Variants in FSTL5 observed in about 807,000 individuals in gnomAD.
FSTL5 encodes the protein follistatin like 5, also known as follistatin-related protein 5.
In FSTL5, 62 loss-of-function variants were observed where a neutral mutation model predicts 89.1. That is an observed-to-expected ratio of 0.70 (90% CI 0.57 to 0.86). The LOEUF is 0.86. Ranked by LOEUF, FSTL5 falls within the 40% of genes least tolerant of loss-of-function variation. The pLI is 0.00. For synonymous variants in FSTL5, 383 were observed against 346.2 expected (o/e 1.11, Z -1.18); for missense variants, 1,057 against 1,001.6 (o/e 1.06, Z -0.75).
chr4:161,916,743 AT>A (rs1487364053), intron 4 of FSTL5, among the ~76,000 whole-genome samples: 4 of 152,134 alleles, frequency 2.6e-5, no homozygotes, highest in African/African-American at 7.2e-5. Context: ...ATTTACGTGT[AT>A]ATTTAAAAGT....
At chr4:161,585,316 A>T (rs1733570965) in intron 8 of FSTL5, among the ~76,000 whole-genome samples, 1 of 152,192 alleles carries the variant, frequency 6.6e-6, no homozygotes, top group Non-Finnish European at 1.5e-5. Context: ...TAGTTGTCAC[A>T]CTTTACCACG....
In FSTL5 at chr4:161,890,686, T is replaced by TAA. The variant is rs5863497; in HGVS notation, c.409+29716_409+29717dup. On this transcript the variant is annotated intron_variant, in intron 4 of 15. Transcript: ENST00000306100. Reference sequence around the variant, plus strand: ...CTGGGCAGCAGAGCAAGACTCTGTCTAAAAAAAAAAAAAAAAAAAACAGGG... The same window carrying TAA: ...CTGGGCAGCAGAGCAAGACTCTGTCTAAAAAAAAAAAAAAAAAAAAAACAGGG... Among the ~76,000 whole-genome samples, 708 of 115,004 alleles carry TAA rather than the reference T, an allele frequency of 6.2e-3. 2 individuals are homozygous for TAA. The highest frequency in any genetic ancestry group is 9.9e-3 in the South Asian group (33 of 3,344). The allele number at this position is 115,004 out of a possible 152,430, so 75.4% of individuals were successfully genotyped here.
At chr4:161,680,576 T>C (rs1273485682) in intron 6 of FSTL5, among the ~76,000 whole-genome samples, 1 of 151,980 alleles carries the variant, frequency 6.6e-6, no homozygotes, top group Non-Finnish European at 1.5e-5. Flanking sequence ...AAGAATGTGG[T>C]ATACACATTC....
rs187766236 is a variant in FSTL5, at chr4:161,453,859, G to C, written c.1841+1145C>G. Among the ~76,000 whole-genome samples, 317 of 152,228 alleles carry C rather than the reference G, an allele frequency of 2.1e-3. 5 individuals carry two copies. Among genetic ancestry groups the C allele is most frequent in the Admixed American group, 0.019 (289 of 15,288 alleles). ...CACCTCTGCCTTAGCCTCCCACAAT[G>C]CTGGGATTACATGGGAGAGCTACCA... On this transcript the variant is annotated intron_variant, in intron 15 of 15. Coordinates refer to ENST00000306100, the MANE Select transcript of FSTL5 (RefSeq NM_020116.5).
At chr4:162,119,005 C>G (rs925828707) in intron 1 of FSTL5, among the ~76,000 whole-genome samples, 1 of 151,934 alleles carries the variant, frequency 6.6e-6, no homozygotes, top group African/African-American at 2.4e-5. Flanking sequence ...CTCCTGAGGC[C>G]AGAAATTCAA....
At chr4:161,572,423 G>A (rs985103568) in intron 8 of FSTL5, among the ~76,000 whole-genome samples, 4 of 151,202 alleles carry the variant, frequency 2.6e-5, no homozygotes, top group South Asian at 2.1e-4. Flanking sequence ...GCTGTTGGCT[G>A]CCACAAGGCC....
At chr4:162,056,578 A>C (rs1333353280) in intron 2 of FSTL5, among the ~76,000 whole-genome samples, 1 of 152,178 alleles carries the variant, frequency 6.6e-6, no homozygotes, top group Non-Finnish European at 1.5e-5. Flanking sequence ...TATTGGAATC[A>C]ATATGCATAA....
chr4:161,786,791 C>G (rs1000745831), intron 4 of FSTL5, among the ~76,000 whole-genome samples: 9 of 152,086 alleles, frequency 5.9e-5, no homozygotes, highest in African/African-American at 2.2e-4. Flanking sequence ...TCAAACACCT[C>G]CTATACAAAT....
At chr4:162,052,110 G>A (rs1400240612) in intron 2 of FSTL5, among the ~76,000 whole-genome samples, 1 of 151,258 alleles carries the variant, frequency 6.6e-6, no homozygotes, top group African/African-American at 2.4e-5. Flanking sequence ...GAATATAACT[G>A]GAAATACAAC....
chr4:161,766,913 T>C (rs564295743), intron 5 of FSTL5, among the ~76,000 whole-genome samples: 1 of 13,978 alleles, frequency 7.2e-5, no homozygotes, highest in South Asian at 2.0e-3. Context: ...GATCGATTGA[T>C]AGATAGATAG....
At chr4:162,099,253 A>G (rs922694631) in intron 2 of FSTL5, among the ~76,000 whole-genome samples, 1 of 152,136 alleles carries the variant, frequency 6.6e-6, no homozygotes, top group Non-Finnish European at 1.5e-5. Flanking sequence ...GATTTAAGAA[A>G]AGGAAAATAA....
At chr4:162,072,455 A>G (rs953980307) in intron 2 of FSTL5, among the ~76,000 whole-genome samples, 1 of 151,880 alleles carries the variant, frequency 6.6e-6, no homozygotes, top group African/African-American at 2.4e-5. Flanking sequence ...AAGGGAAAAC[A>G]TATCAACAAA....
At chr4:161,870,035 A>G (rs755840139) in intron 4 of FSTL5, among the ~76,000 whole-genome samples, 2 of 152,228 alleles carry the variant, frequency 1.3e-5, no homozygotes, top group African/African-American at 2.4e-5. Context: ...AGTCATCTTA[A>G]GACTGCAAGG....
chr4:162,016,860 T>C (rs1165140197), intron 3 of FSTL5, among the ~76,000 whole-genome samples: 3 of 152,132 alleles, frequency 2.0e-5, no homozygotes, highest in African/African-American at 7.2e-5. Context: ...GTTAAAGCTA[T>C]TTTTTTCTGA....
chr4:161,657,896 G>A (rs1354398884), intron 6 of FSTL5, among the ~76,000 whole-genome samples: 1 of 152,144 alleles, frequency 6.6e-6, no homozygotes, highest in Admixed American at 6.5e-5. Flanking sequence ...ATTCTGTTAT[G>A]TAGCATCTAA....
intron 3 of FSTL5, among the ~76,000 whole-genome samples, chr4:161,992,268 G>GA (rs1553989432): frequency 6.6e-6 from 1 of 152,078 alleles, no homozygotes; most frequent in Admixed American, 6.6e-5. Flanking sequence ...AAAAGTGCAG[G>GA]AAAAAGGAAA....
At chr4:162,037,459 C>A (rs889796678) in intron 2 of FSTL5, among the ~76,000 whole-genome samples, 2 of 151,904 alleles carry the variant, frequency 1.3e-5, no homozygotes, top group Non-Finnish European at 2.9e-5. Context: ...AGAAGAATCA[C>A]ACATACAGCT....
At chr4:161,459,909 C>T (rs1733499806) in intron 13 of FSTL5, among the ~76,000 whole-genome samples, 1 of 151,274 alleles carries the variant, frequency 6.6e-6, no homozygotes, top group Non-Finnish European at 1.5e-5. Context: ...ATGCACCATG[C>T]TTGGTATGAA....
intron 3 of FSTL5, among the ~76,000 whole-genome samples, chr4:161,992,860 AAATATAT>A (rs1292370927): frequency 4.7e-4 from 5 of 10,650 alleles, no homozygotes; most frequent in South Asian, 6.3e-3. Context: ...AAAAAAAAAA[AAATATAT>A]ATATATATAT....
Sources: allele counts gnomAD v4.1 joint callset (sites outside exome capture counted in the v4.1 genomes callset), GRCh38; gene constraint gnomAD v4.1.1; transcripts MANE v1.5; gene names NCBI Gene and HGNC (gene_info 2026-07-23, HGNC 2026-07-21).